ITGBL1: variants seen among roughly 807,000 people sequenced by gnomAD.
ITGBL1 encodes the protein integrin beta-like protein 1.
Under a neutral mutation model 68.5 loss-of-function variants are expected in ITGBL1, and 51 were observed. The observed-to-expected ratio is 0.74, with a 90% CI of 0.59 to 0.94. The LOEUF (loss-of-function observed/expected upper bound fraction) is 0.94, where lower values mean the gene tolerates loss of function less well. Among genes scored for constraint, ITGBL1 ranks in the 40% least tolerant of loss-of-function variants. The pLI is 0.00. For missense variants in ITGBL1, 649 were observed against 647.4 expected (o/e 1.00, Z -0.03); for synonymous variants, 209 against 227.3 (o/e 0.92, Z 0.72).
chr13:101,687,070 A>G (rs1318576282), intron 7 of ITGBL1, among the ~76,000 whole-genome samples: 5 of 152,058 alleles, frequency 3.3e-5, no homozygotes, highest in Admixed American at 6.6e-5. Context: ...GAAGTTAGTA[A>G]TGCTGGTCAA....
chr13:101,533,288 A>C (rs557271743), intron 2 of ITGBL1, among the ~76,000 whole-genome samples: 3 of 152,290 alleles, frequency 2.0e-5, no homozygotes, highest in South Asian at 4.1e-4. Context: ...GCTTACTGCT[A>C]ATAGTCATGC....
chr13:101,492,753 T>TAGCTACC (rs2048798620), intron 2 of ITGBL1, among the ~76,000 whole-genome samples: 1 of 152,366 alleles, frequency 6.6e-6, no homozygotes, highest in South Asian at 2.1e-4. Context: ...GAATAAATGG[T>TAGCTACC]AGCTACCAGA....
At chr13:101,598,063 C>T (rs1400614678) in intron 6 of ITGBL1, 90 bp from the exon 7 acceptor site, 7 of 1,195,012 alleles carry the variant, frequency 5.9e-6, no homozygotes, top group Non-Finnish European at 8.2e-6. Context: ...GATCCTGACT[C>T]ATTTGTGACA....
chr13:101,715,880 T>C lies in ITGBL1; in HGVS notation c.*226T>C. The C allele has an allele frequency of 2.3e-6, 1 of 429,078 alleles. No individual in the cohort carries two copies. Among genetic ancestry groups the C allele is most frequent in the Non-Finnish European group, 4.2e-6 (1 of 237,472 alleles). 26.6% of individuals were successfully genotyped at this position (429,078 alleles called of 1,614,324 possible). A position where few individuals can be genotyped will look rare whatever the true frequency, so the allele number is the denominator to read the frequency against. Reference sequence around the variant, plus strand: ...AAGATTCTTCCATAATTAACATAAGTGGTTCCTAACGAGAGCAATTTTTCC... The same window carrying C: ...AAGATTCTTCCATAATTAACATAAGCGGTTCCTAACGAGAGCAATTTTTCC... On this transcript the variant is annotated 3_prime_UTR_variant, in exon 11 of 11. Coordinates refer to ENST00000376180, the MANE Select transcript of ITGBL1 (RefSeq NM_004791.3).
Position 101,692,866 on chromosome 13 carries a change from T to C in ITGBL1, c.1132+165T>C, listed in dbSNP as rs17585774. 4.1e-3 allele frequency: 2,554 copies of C among 621,386 alleles called. 16 individuals carry two copies. Among genetic ancestry groups the C allele is most frequent in the Middle Eastern group, 7.1e-3 (16 of 2,260 alleles). The allele number at this position is 621,386 out of a possible 1,614,324, so 38.5% of individuals were successfully genotyped here. On this transcript the variant is annotated intron_variant, in intron 8 of 10. Transcript: ENST00000376180. ...AATATACAATTAGGTTTGTAATGACTTTTATTTCCCTGAACTCTTTATTTA... is the reference window on the plus strand; with the variant it reads ...AATATACAATTAGGTTTGTAATGACCTTTATTTCCCTGAACTCTTTATTTA...
chr13:101,538,300 T>C (rs1426358037), intron 2 of ITGBL1, among the ~76,000 whole-genome samples: 1 of 151,766 alleles, frequency 6.6e-6, no homozygotes, highest in Non-Finnish European at 1.5e-5. Context: ...AACAGTTTAC[T>C]GGGGTTGGGG....
chr13:101,458,607 TC>T (rs771408487), intron 2 of ITGBL1, among the ~76,000 whole-genome samples: 5 of 151,916 alleles, frequency 3.3e-5, no homozygotes, highest in Non-Finnish European at 7.4e-5. Flanking sequence ...CTAGGGAGCC[TC>T]CCCCACCAGT....
chr13:101,490,878 C>G (rs1402081413), intron 2 of ITGBL1, among the ~76,000 whole-genome samples: 1 of 152,084 alleles, frequency 6.6e-6, no homozygotes, highest in East Asian at 1.9e-4. Flanking sequence ...CCTTGATTAG[C>G]TGGGAATCCC....
At chr13:101,596,971 A>G (rs139610348) in intron 6 of ITGBL1, among the ~76,000 whole-genome samples, 7 of 152,286 alleles carry the variant, frequency 4.6e-5, no homozygotes, top group African/African-American at 1.7e-4. Flanking sequence ...CAGGGCAGTG[A>G]AATTACTGTG....
rs180761551 is a variant in ITGBL1 at position 101,639,377 on chromosome 13, G to A, written c.1015+41078G>A. Among the ~76,000 whole-genome samples the A allele has an allele frequency of 3.1e-3, 472 of 152,200 alleles. 3 individuals carry two copies. Among genetic ancestry groups the A allele is most frequent in the African/African-American group, 0.011 (457 of 41,562 alleles). On this transcript the variant is annotated intron_variant, in intron 7 of 10. Transcript: ENST00000376180. ...TGGAAAGACTGATAATGTTGCTCAAGAATTGAAGATACACATATCTAATCA... is the reference window on the plus strand; with the variant it reads ...TGGAAAGACTGATAATGTTGCTCAAAAATTGAAGATACACATATCTAATCA...
At chr13:101,508,618 GTTTTA>G (rs1369884270) in intron 2 of ITGBL1, among the ~76,000 whole-genome samples, 14 of 151,990 alleles carry the variant, frequency 9.2e-5, no homozygotes, top group African/African-American at 3.1e-4. Context: ...TAAATATTAA[GTTTTA>G]TTATATTATG....
chr13:101,614,919 C>A (rs1181484602), intron 7 of ITGBL1, among the ~76,000 whole-genome samples: 2 of 152,104 alleles, frequency 1.3e-5, no homozygotes, highest in Admixed American at 6.6e-5. Context: ...CCCTTGTGAT[C>A]CACATTGGAG....
chr13:101,569,693 T>A (rs1019073306), intron 3 of ITGBL1, among the ~76,000 whole-genome samples: 1 of 152,152 alleles, frequency 6.6e-6, no homozygotes, highest in African/African-American at 2.4e-5. Context: ...AAAAGTGTAC[T>A]TATCTTGGAT....
intron 2 of ITGBL1, among the ~76,000 whole-genome samples, chr13:101,490,519 C>A (rs1479534474): frequency 3.9e-5 from 6 of 152,136 alleles, no homozygotes; most frequent in African/African-American, 1.4e-4. Context: ...ACTAACAGGG[C>A]TGTGAGTAAT....
At chr13:101,653,839 C>T (rs1275377418) in intron 7 of ITGBL1, among the ~76,000 whole-genome samples, 5 of 150,080 alleles carry the variant, frequency 3.3e-5, no homozygotes, top group Admixed American at 6.6e-5. Flanking sequence ...CAGGTGCGCA[C>T]CACCATGCCC....
chr13:101,544,343 C>T (rs2049775383), intron 2 of ITGBL1, among the ~76,000 whole-genome samples: 1 of 152,222 alleles, frequency 6.6e-6, no homozygotes, highest in South Asian at 2.1e-4. Flanking sequence ...GCCTGGGTAT[C>T]AGCAGCGGCA....
intron 2 of ITGBL1, among the ~76,000 whole-genome samples, chr13:101,545,265 A>C (rs540318162): frequency 6.6e-6 from 1 of 152,362 alleles, no homozygotes; most frequent in South Asian, 2.1e-4. Flanking sequence ...TATAGAAAAA[A>C]GTAAAAATAC....
chr13:101,598,351 G>T (rs891435649), intron 7 of ITGBL1, 52 bp downstream of exon 7: 2 of 1,358,222 alleles, frequency 1.5e-6, no homozygotes, highest in Admixed American at 3.0e-5. Context: ...CAATTCAAAT[G>T]AATTCAATGC....
chr13:101,694,609 T>TG (rs145407388), intron 8 of ITGBL1, among the ~76,000 whole-genome samples: 9,364 of 151,938 alleles, frequency 0.062, 991 homozygotes, highest in African/African-American at 0.21. Flanking sequence ...TGTGGAGATT[T>TG]GGGGGTCTCA....
Sources: gnomAD v4.1 joint callset for allele counts (sites outside exome capture counted in the v4.1 genomes callset) on GRCh38, gnomAD v4.1.1 for gene constraint, MANE v1.5 for transcripts, NCBI Gene and HGNC (gene_info 2026-07-23, HGNC 2026-07-21) for gene names.